WDR59: variants seen among roughly 807,000 people sequenced by gnomAD.
WDR59 encodes GATOR2 complex protein WDR59.
In WDR59, 100 loss-of-function variants were observed where a neutral mutation model predicts 131.2. That is an observed-to-expected ratio of 0.76 (90% CI 0.65 to 0.90). The LOEUF (loss-of-function observed/expected upper bound fraction) is 0.90, where lower values mean the gene tolerates loss of function less well. WDR59 is among the 40% of genes least tolerant of loss of function. WDR59 has a pLI of 0.00. For missense variants in WDR59, 1,203 were observed against 1,262.2 expected (o/e 0.95, Z 0.71); for synonymous variants, 601 against 466.2 (o/e 1.29, Z -3.72).
chr16:74,901,549 G>A (rs1965551257), intron 18 of WDR59, among the ~76,000 whole-genome samples: 1 of 151,786 alleles, frequency 6.6e-6, no homozygotes, highest in African/African-American at 2.4e-5. Context: ...CGGCTGAGGT[G>A]GAAGGATCAC....
chr16:74,927,870 A>G (rs560658763), intron 8 of WDR59, among the ~76,000 whole-genome samples: 1 of 151,418 alleles, frequency 6.6e-6, no homozygotes, highest in East Asian at 1.9e-4. Context: ...GAAGGTATCA[A>G]GGATTCCTTT....
rs533514542 is a variant in WDR59 at position 74,905,639 on chromosome 16, A to G, written c.1713-1539T>C. 2.2e-3 allele frequency among the ~76,000 whole-genome samples: 326 copies of G among 149,960 alleles called. 7 individuals carry two copies. In the South Asian group the frequency reaches 0.051, roughly 23 times the overall value. On this transcript the variant is annotated intron_variant, in intron 17 of 25. Transcript: ENST00000262144. ...GGAGCTTGCAGTGAGCCAAGATTGCACCACTGCACTCCAGCCTGGGCAACA... is the reference window on the plus strand; with the variant it reads ...GGAGCTTGCAGTGAGCCAAGATTGCGCCACTGCACTCCAGCCTGGGCAACA...
chr16:74,921,677 C>CT (rs532873949), intron 10 of WDR59, among the ~76,000 whole-genome samples: 159 of 152,324 alleles, frequency 1.0e-3, no homozygotes, highest in African/African-American at 3.8e-3. Flanking sequence ...CAGCAAATCT[C>CT]TATCTTCCGT....
intron 15 of WDR59, 73 bp from the exon 16 acceptor site, chr16:74,909,730 A>G (rs1241764067): frequency 5.1e-6 from 8 of 1,562,212 alleles, no homozygotes; most frequent in Non-Finnish European, 6.9e-6. Flanking sequence ...AAGACCCAGT[A>G]TGACAAAACC....
intron 23 of WDR59, among the ~76,000 whole-genome samples, chr16:74,886,964 A>G (rs1241405272): frequency 1.3e-5 from 2 of 152,182 alleles, no homozygotes; most frequent in Non-Finnish European, 2.9e-5. Flanking sequence ...ATGATGGCAC[A>G]GAGATACAGT....
intron 1 of WDR59, among the ~76,000 whole-genome samples, chr16:74,977,689 A>G (rs2034243540): frequency 6.6e-6 from 1 of 152,236 alleles, no homozygotes; most frequent in Admixed American, 6.5e-5. Context: ...TTCTGTCTCA[A>G]AAAAGAAAAA....
intron 1 of WDR59, among the ~76,000 whole-genome samples, chr16:74,976,455 T>TC (rs1279893995): frequency 6.6e-6 from 1 of 151,236 alleles, no homozygotes; most frequent in Admixed American, 6.6e-5. Context: ...TTTTTTTTTT[T>TC]CTTTTGAGAC....
At chr16:74,968,004 G>A (rs1453136100) in intron 1 of WDR59, among the ~76,000 whole-genome samples, 9 of 152,238 alleles carry the variant, frequency 5.9e-5, no homozygotes, top group Admixed American at 1.3e-4. Context: ...GCTACAACAT[G>A]GATGGAGCTC....
chr16:74,945,143 G>A (rs566136902), intron 6 of WDR59, among the ~76,000 whole-genome samples: 106 of 151,526 alleles, frequency 7.0e-4, no homozygotes, highest in African/African-American at 2.3e-3. Context: ...AAGAACCACC[G>A]TCCTTTTTAG....
At chr16:74,956,862 G>C (rs1019871955) in intron 2 of WDR59, among the ~76,000 whole-genome samples, 4 of 152,082 alleles carry the variant, frequency 2.6e-5, no homozygotes, top group Admixed American at 6.6e-5. Context: ...ATCCATCCAT[G>C]AGAGTCTGGA....
intron 19 of WDR59, among the ~76,000 whole-genome samples, chr16:74,893,389 T>A (rs1965135064): frequency 6.6e-6 from 1 of 152,094 alleles, no homozygotes; most frequent in Non-Finnish European, 1.5e-5. Flanking sequence ...GAGCTTTGCA[T>A]CGGATGAGAC....
At chr16:74,891,409 C>T (rs185059432) in intron 20 of WDR59, among the ~76,000 whole-genome samples, 8 of 152,300 alleles carry the variant, frequency 5.3e-5, no homozygotes, top group Admixed American at 5.2e-4. Flanking sequence ...TTGAAGTTCA[C>T]ATTCATCTCT....
At chr16:74,949,653 G>T in intron 5 of WDR59, 65 bp downstream of exon 5, 3 of 1,448,784 alleles carry the variant, frequency 2.1e-6, no homozygotes, top group Non-Finnish European at 2.9e-6. Context: ...TAAGACACTT[G>T]ATCTCTAAAA....
intron 25 of WDR59, among the ~76,000 whole-genome samples, chr16:74,881,647 G>A (rs1302548790): frequency 5.3e-5 from 8 of 151,968 alleles, no homozygotes; most frequent in African/African-American, 1.9e-4. Context: ...GGCCCAGGTG[G>A]GTGGATCACA....
chr16:74,945,145 C>T (rs1192284281), intron 6 of WDR59, among the ~76,000 whole-genome samples: 1 of 151,682 alleles, frequency 6.6e-6, no homozygotes, highest in East Asian at 2.0e-4. Flanking sequence ...GAACCACCGT[C>T]CTTTTTAGGG....
chr16:74,951,138 C>T (rs372470636), intron 4 of WDR59, among the ~76,000 whole-genome samples: 6 of 132,750 alleles, frequency 4.5e-5, no homozygotes, highest in African/African-American at 1.8e-4. Context: ...CCAGCCTGGG[C>T]GACAGAGTGA....
intron 11 of WDR59, among the ~76,000 whole-genome samples, chr16:74,917,054 G>C (rs959674847): frequency 2.6e-5 from 4 of 152,084 alleles, no homozygotes; most frequent in African/African-American, 9.7e-5. Flanking sequence ...CAAGCGCTGT[G>C]GGAGATCCAA....
At chr16:74,982,669 G>A (rs977440767) in intron 1 of WDR59, among the ~76,000 whole-genome samples, 5 of 152,200 alleles carry the variant, frequency 3.3e-5, no homozygotes, top group Admixed American at 6.6e-5. Flanking sequence ...AAGAAAACAG[G>A]AATATGGTTC....
intron 6 of WDR59, among the ~76,000 whole-genome samples, chr16:74,947,747 G>T (rs1819591425): frequency 6.6e-6 from 1 of 152,074 alleles, no homozygotes; most frequent in African/African-American, 2.4e-5. Flanking sequence ...AATACTTGTT[G>T]AAGAAATGAT....
Sources: allele counts gnomAD v4.1 joint callset (sites outside exome capture counted in the v4.1 genomes callset), GRCh38; gene constraint gnomAD v4.1.1; transcripts MANE v1.5; gene names NCBI Gene and HGNC (gene_info 2026-07-23, HGNC 2026-07-21).